Variants in FRMD4B observed in about 807,000 individuals in gnomAD.
FRMD4B encodes FERM domain-containing protein 4B.
A neutral mutation model predicts 141.5 loss-of-function variants in FRMD4B; 74 were observed. The observed-to-expected ratio is 0.52, with a 90% CI of 0.43 to 0.63. The LOEUF (loss-of-function observed/expected upper bound fraction) is 0.63, where lower values mean the gene tolerates loss of function less well. FRMD4B is among the 30% of genes least tolerant of loss of function. The pLI is 0.00. For missense variants in FRMD4B, 1,366 were observed against 1,253.4 expected, an observed-to-expected ratio of 1.09 and a Z score of -1.36; for synonymous variants, 506 against 467.9, an observed-to-expected ratio of 1.08 and a Z score of -1.05.
At chr3:69,221,256 C>A (rs1308460245) in intron 9 of FRMD4B, among the ~76,000 whole-genome samples, 1 of 152,174 alleles carries the variant, frequency 6.6e-6, no homozygotes, top group Non-Finnish European at 1.5e-5. Context: ...AGCCACTGTG[C>A]TGGCCTGTTC....
chr3:69,499,643 C>G (rs1195328645), intron 1 of FRMD4B, among the ~76,000 whole-genome samples: 2 of 152,176 alleles, frequency 1.3e-5, no homozygotes, highest in East Asian at 1.9e-4. Flanking sequence ...GAGGAATTCT[C>G]TCTACTGAAG....
intron 1 of FRMD4B, among the ~76,000 whole-genome samples, chr3:69,348,910 C>T (rs7612526): frequency 0.69 from 105,195 of 151,820 alleles, 37,220 homozygotes; most frequent in African/African-American, 0.83. Context: ...AAGCATTCCC[C>T]TTGACAACTG....
At chr3:69,269,362 T>C (rs1285913397) in intron 5 of FRMD4B, among the ~76,000 whole-genome samples, 1 of 151,910 alleles carries the variant, frequency 6.6e-6, no homozygotes, top group Non-Finnish European at 1.5e-5. Flanking sequence ...CCATGGGTCC[T>C]GTGAGGAGGT....
intron 7 of FRMD4B, among the ~76,000 whole-genome samples, chr3:69,240,125 G>C (rs2093371033): frequency 6.6e-6 from 1 of 151,552 alleles, no homozygotes; most frequent in African/African-American, 2.4e-5. Flanking sequence ...CTTAAAAATG[G>C]TTGAGATGAT....
intron 14 of FRMD4B, 81 bp downstream of exon 14, chr3:69,196,174 G>T: frequency 1.9e-6 from 2 of 1,039,482 alleles, no homozygotes; most frequent in Non-Finnish European, 2.8e-6. Context: ...TGGATTAAAA[G>T]ATGAATTTCG....
chr3:69,400,836 T>C (rs1704551573), intron 2 of FRMD4B, among the ~76,000 whole-genome samples: 1 of 152,242 alleles, frequency 6.6e-6, no homozygotes, highest in South Asian at 2.1e-4. Context: ...AGAAACTAGC[T>C]CTGCTTCTAT....
intron 2 of FRMD4B, among the ~76,000 whole-genome samples, chr3:69,392,917 T>C (rs922454095): frequency 1.3e-5 from 2 of 152,048 alleles, no homozygotes; most frequent in African/African-American, 2.4e-5. Flanking sequence ...TCTTTCCCTT[T>C]GACTGAGAGA....
chr3:69,217,217 A>C (rs2093149367), intron 10 of FRMD4B, among the ~76,000 whole-genome samples: 1 of 152,238 alleles, frequency 6.6e-6, no homozygotes, highest in Non-Finnish European at 1.5e-5. Context: ...TATTGTTTTC[A>C]TAAATTTATC....
At chr3:69,177,744 T>C (rs1010398558) in intron 21 of FRMD4B, among the ~76,000 whole-genome samples, 1 of 152,234 alleles carries the variant, frequency 6.6e-6, no homozygotes, top group African/African-American at 2.4e-5. Flanking sequence ...AATCTTCCCA[T>C]TCACGCTATG....
intron 1 of FRMD4B, among the ~76,000 whole-genome samples, chr3:69,315,477 T>C (rs929840540): frequency 6.6e-6 from 1 of 152,202 alleles, no homozygotes; most frequent in African/African-American, 2.4e-5. Context: ...CATCCAGAAA[T>C]TTGATATATA....
At chr3:69,426,010 A>G (rs563834958) in intron 2 of FRMD4B, among the ~76,000 whole-genome samples, 2 of 152,274 alleles carry the variant, frequency 1.3e-5, no homozygotes, top group Non-Finnish European at 2.9e-5. Flanking sequence ...TAATAGCTTT[A>G]ATACCACAGC....
At chr3:69,254,775 A>G (rs895559471) in intron 5 of FRMD4B, among the ~76,000 whole-genome samples, 13 of 152,176 alleles carry the variant, frequency 8.5e-5, no homozygotes, top group African/African-American at 3.1e-4. Context: ...ATATAACATC[A>G]CAGAACACAG....
At chr3:69,270,818 C>A (rs1215764413) in intron 5 of FRMD4B, among the ~76,000 whole-genome samples, 1 of 152,090 alleles carries the variant, frequency 6.6e-6, no homozygotes, top group African/African-American at 2.4e-5. Flanking sequence ...CCCGCCTCGG[C>A]CTCTCAAAGT....
chr3:69,506,538 T>C (rs72937416), intron 1 of FRMD4B, among the ~76,000 whole-genome samples: 4,514 of 149,750 alleles, frequency 0.03, 233 homozygotes, highest in African/African-American at 0.11. Context: ...GCTAAATTCT[T>C]TTTTTTTTTC....
At chr3:69,215,859 A>G (rs1040810736) in intron 11 of FRMD4B, among the ~76,000 whole-genome samples, 38 of 152,224 alleles carry the variant, frequency 2.5e-4, no homozygotes, top group African/African-American at 8.9e-4. Flanking sequence ...CTAACATAAA[A>G]TAGAAACCTA....
At chr3:69,461,980 C>T (rs1705714696) in intron 1 of FRMD4B, among the ~76,000 whole-genome samples, 1 of 152,032 alleles carries the variant, frequency 6.6e-6, no homozygotes, top group South Asian at 2.1e-4. Flanking sequence ...GCTCTGGGGG[C>T]CTTCTCTATA....
Position 69,503,356 on chromosome 3 carries a change from T to C in FRMD4B, c.-129+38850A>G, listed in dbSNP as rs182425748. Among the ~76,000 whole-genome samples, 4 of 151,930 alleles carry C rather than the reference T, an allele frequency of 2.6e-5. No individual in the cohort carries two copies. In the East Asian group the frequency reaches 5.9e-4, roughly 22 times the overall value. On this transcript the variant is annotated intron_variant, in intron 1 of 5. Coordinates refer to the FRMD4B transcript ENST00000459638. Reference sequence around the variant, plus strand: ...TATACCATGGAATACTATGCAGCCATAAAGAAGGATGAGTTCATGTCCTTT... The same window carrying C: ...TATACCATGGAATACTATGCAGCCACAAAGAAGGATGAGTTCATGTCCTTT...
At chr3:69,521,446 T>C (rs913915317) in intron 1 of FRMD4B, among the ~76,000 whole-genome samples, 154 of 152,326 alleles carry the variant, frequency 1.0e-3, no homozygotes, top group African/African-American at 3.5e-3. Context: ...GACTGAGGCA[T>C]GGTTGCAGCT....
chr3:69,533,201 T>C (rs1279029976), intron 1 of FRMD4B, among the ~76,000 whole-genome samples: 2 of 152,208 alleles, frequency 1.3e-5, no homozygotes, highest in Admixed American at 6.5e-5. Context: ...AATAGTCTCA[T>C]TTGGAACAAG....
Sources: gnomAD v4.1 joint callset for allele counts (sites outside exome capture counted in the v4.1 genomes callset) on GRCh38, gnomAD v4.1.1 for gene constraint, MANE v1.5 for transcripts, NCBI Gene and HGNC (gene_info 2026-07-23, HGNC 2026-07-21) for gene names.